Variants in BMPR1B observed in about 807,000 individuals in gnomAD.
The protein encoded by BMPR1B is bone morphogenetic protein receptor type-1B.
BMPR1B carries 12 observed loss-of-function variants against 59.1 expected under a neutral mutation model. The observed-to-expected ratio is 0.20, with a 90% confidence interval of 0.13 to 0.33. The LOEUF is 0.33. Among genes scored for constraint, BMPR1B ranks in the 10% least tolerant of loss-of-function variants. The pLI, the probability that BMPR1B is intolerant of heterozygous loss-of-function variation, is 1.00. For synonymous variants in BMPR1B, 237 were observed against 207.3 expected, an observed-to-expected ratio of 1.14 and a Z score of -1.23; for missense variants, 550 against 610.9, an observed-to-expected ratio of 0.90 and a Z score of 1.05.
intron 1 of BMPR1B, among the ~76,000 whole-genome samples, chr4:94,836,621 T>C (rs1212323439): frequency 6.8e-6 from 1 of 146,568 alleles, no homozygotes; most frequent in South Asian, 2.2e-4. Context: ...TTTTTTCTTG[T>C]AAATTTGTTT....
intron 1 of BMPR1B, among the ~76,000 whole-genome samples, chr4:94,863,969 A>G (rs1263465954): frequency 6.6e-6 from 1 of 152,246 alleles, no homozygotes; most frequent in Non-Finnish European, 1.5e-5. Context: ...TTCAGTACAC[A>G]GGTAGCTAGT....
At chr4:95,096,247 T>G (rs901942391) in intron 3 of BMPR1B, among the ~76,000 whole-genome samples, 1 of 151,766 alleles carries the variant, frequency 6.6e-6, no homozygotes, top group Non-Finnish European at 1.5e-5. Flanking sequence ...CCTTATTTCC[T>G]ACTACAAGAG....
chr4:94,858,557 T>G (rs757215465), intron 1 of BMPR1B, among the ~76,000 whole-genome samples: 26 of 152,218 alleles, frequency 1.7e-4, no homozygotes, highest in South Asian at 4.1e-4. Flanking sequence ...ATACATGAGT[T>G]AGTTTCTCCT....
At chr4:94,977,417 G>C (rs1731070223) in intron 2 of BMPR1B, among the ~76,000 whole-genome samples, 1 of 148,650 alleles carries the variant, frequency 6.7e-6, no homozygotes, top group Non-Finnish European at 1.5e-5. Flanking sequence ...TTTTGAGACT[G>C]TTTTGTTCTC....
At chr4:95,123,547 T>C (rs905158007) in intron 6 of BMPR1B, among the ~76,000 whole-genome samples, 1 of 152,120 alleles carries the variant, frequency 6.6e-6, no homozygotes, top group Non-Finnish European at 1.5e-5. Context: ...CTTTCTGTAG[T>C]TTTATCCTGT....
chr4:94,902,079 G>A (rs1041706323), intron 2 of BMPR1B, among the ~76,000 whole-genome samples: 8 of 137,330 alleles, frequency 5.8e-5, no homozygotes, highest in Non-Finnish European at 1.3e-4. Flanking sequence ...GTGTGTGTGT[G>A]TGTGTGTGGG....
At chr4:94,804,262 A>G (rs1291712534) in intron 1 of BMPR1B, among the ~76,000 whole-genome samples, 2 of 152,204 alleles carry the variant, frequency 1.3e-5, no homozygotes, top group African/African-American at 4.8e-5. Context: ...CATACTTTTC[A>G]AACTGTATCT....
intron 2 of BMPR1B, among the ~76,000 whole-genome samples, chr4:94,984,707 G>A (rs1721296734): frequency 6.6e-6 from 1 of 152,232 alleles, no homozygotes; most frequent in East Asian, 1.9e-4. Flanking sequence ...CAGAAATTCT[G>A]TTCAGGTTCC....
rs10033654 is a variant in BMPR1B, at chr4:94,874,440, G to A, written c.-182-1391G>A. On this transcript the variant is annotated intron_variant, in intron 1 of 12. Coordinates refer to ENST00000515059, the MANE Select transcript of BMPR1B (RefSeq NM_001203.3). ...TACTGCTCTCAGTCTTCTCCTTTAA[G>A]CTTGTGTCTCTTTTTGTTTATGTTT... is the stretch of plus-strand genomic sequence containing the variant. Among the ~76,000 whole-genome samples the A allele has an allele frequency of 7.3e-3, 1,117 of 152,158 alleles. 17 individuals are homozygous for A. The highest frequency in any genetic ancestry group is 0.026 in the African/African-American group (1,070 of 41,492).
At chr4:95,106,115 CTG>C (rs1208004742) in intron 4 of BMPR1B, among the ~76,000 whole-genome samples, 2 of 152,058 alleles carry the variant, frequency 1.3e-5, no homozygotes, top group African/African-American at 2.4e-5. Context: ...TCAAAAGAAA[CTG>C]TTTTTTCTAG....
intron 2 of BMPR1B, among the ~76,000 whole-genome samples, chr4:94,960,211 TCCTATCTGTATAA>T (rs1730300459): frequency 6.6e-6 from 1 of 152,192 alleles, no homozygotes; most frequent in Non-Finnish European, 1.5e-5. Flanking sequence ...AAAGAAAATG[TCCTATCTGTATAA>T]CCAGTGCTCT....
chr4:94,981,368 A>G (rs1171984855), intron 2 of BMPR1B, among the ~76,000 whole-genome samples: 1 of 152,154 alleles, frequency 6.6e-6, no homozygotes, highest in Non-Finnish European at 1.5e-5. Context: ...CACCATGCCC[A>G]GCAAATTTAT....
At chr4:95,108,993 T>G (rs1252506996) in intron 4 of BMPR1B, among the ~76,000 whole-genome samples, 2 of 152,106 alleles carry the variant, frequency 1.3e-5, no homozygotes, top group Non-Finnish European at 2.9e-5. Context: ...GCAAGTGTTA[T>G]CTCAGCCTTG....
chr4:95,059,627 T>C, intron 3 of BMPR1B, among the ~76,000 whole-genome samples: 1 of 111,770 alleles, frequency 8.9e-6, no homozygotes, highest in Non-Finnish European at 2.0e-5. Flanking sequence ...TAACCTATTA[T>C]GGTAAAAAAA....
intron 4 of BMPR1B, among the ~76,000 whole-genome samples, chr4:95,111,107 T>A (rs181164735): frequency 8.5e-5 from 13 of 152,198 alleles, no homozygotes; most frequent in African/African-American, 3.1e-4. Flanking sequence ...AATTTAAGAG[T>A]TGTTGTAGGA....
At chr4:94,998,307 C>T (rs547690968) in intron 3 of BMPR1B, among the ~76,000 whole-genome samples, 114 of 151,460 alleles carry the variant, frequency 7.5e-4, no homozygotes, top group African/African-American at 2.4e-3. Context: ...TTAATATTAG[C>T]CTCCTCATGG....
rs145615563 is a variant in BMPR1B at position 95,031,288 on chromosome 4, G to C, written c.-18+35154G>C. Among the ~76,000 whole-genome samples the C allele has an allele frequency of 1.9e-3, 288 of 152,274 alleles. 1 individual carries two copies. The highest frequency in any genetic ancestry group is 6.4e-3 in the African/African-American group (268 of 41,552). ...GAAATTATGTGGAATTGAATTGAGA[G>C]CTGAGAGAGAATATGGCACATTAGA... On this transcript the variant is annotated intron_variant, in intron 3 of 12. Coordinates refer to ENST00000515059, the MANE Select transcript of BMPR1B (RefSeq NM_001203.3).
At chr4:94,963,626 A>G (rs13144086) in intron 2 of BMPR1B, among the ~76,000 whole-genome samples, 37,694 of 152,002 alleles carry the variant, frequency 0.25, 4,708 homozygotes, top group South Asian at 0.36. Flanking sequence ...TATTCATGGT[A>G]CTTTTGTAGA....
chr4:94,847,396 A>G lies in BMPR1B; in HGVS notation c.-182-28435A>G, dbSNP rs571089921. Among the ~76,000 whole-genome samples the G allele has an allele frequency of 2.6e-5, 4 of 152,304 alleles. 1 individual carries two copies. In the South Asian group the frequency reaches 8.3e-4, roughly 32 times the overall value. On this transcript the variant is annotated intron_variant, in intron 1 of 12. Coordinates refer to ENST00000515059, the MANE Select transcript of BMPR1B (RefSeq NM_001203.3). ...TGTGAAGATTCCTGACAAAAGTAAAAACAGGACTACCATATGATCCAGCCA... is the reference window on the plus strand; with the variant it reads ...TGTGAAGATTCCTGACAAAAGTAAAGACAGGACTACCATATGATCCAGCCA...
Sources: allele counts gnomAD v4.1 joint callset (sites outside exome capture counted in the v4.1 genomes callset), GRCh38; gene constraint gnomAD v4.1.1; transcripts MANE v1.5; gene names NCBI Gene and HGNC (gene_info 2026-07-23, HGNC 2026-07-21).